The following RSRP1 variants were observed in gnomAD, a reference collection of about 807,000 sequenced individuals.
RSRP1 encodes the protein arginine and serine rich protein 1, also known as arginine/serine-rich protein 1.
Under a neutral mutation model 33.0 loss-of-function variants are expected in RSRP1, and 37 were observed. The ratio of observed to expected loss-of-function variants is 1.12; its 90% CI spans 0.86 to 1.48. The LOEUF is 1.48. Ranked by LOEUF, RSRP1 falls within the 40% of genes most tolerant of loss-of-function variation. The probability of loss-of-function intolerance (pLI) is 0.00; values close to 1 mark genes in which losing one functional copy is unlikely to be tolerated. For missense variants in RSRP1, 402 were observed against 385.3 expected, an observed-to-expected ratio of 1.04 and a Z score of -0.36; for synonymous variants, 167 against 158.7, an observed-to-expected ratio of 1.05 and a Z score of -0.40.
At chr1:25,299,085 A>C (rs1301980639) in intron 1 of RSRP1, among the ~76,000 whole-genome samples, 2 of 126,544 alleles carry the variant, frequency 1.6e-5, no homozygotes, top group Admixed American at 7.7e-5. Flanking sequence ...AAAAAAAAAA[A>C]AAAAAAAAAA....
chr1:25,243,922 G>A, intron 3 of RSRP1: 1 of 1,181,036 alleles, frequency 8.5e-7, no homozygotes, highest in Non-Finnish European at 1.1e-6. Context: ...GAAATGTAAA[G>A]CCACATCAGA....
chr1:25,271,134 T>C lies in RSRP1; in HGVS notation c.-66-24105A>G, dbSNP rs1242243311. ...GTTTTCTTAACCAACCCCCTGCTAG[T>C]GGACATTTAGGTTAGTCTCAGTTTT... On this transcript the variant is annotated intron_variant, in intron 1 of 1. Coordinates refer to the RSRP1 transcript ENST00000561867. 2.4e-4 allele frequency among the ~76,000 whole-genome samples: 32 copies of C among 132,614 alleles called. 2 individuals carry two copies. Among genetic ancestry groups the C allele is most frequent in the African/African-American group, 5.4e-4 (21 of 38,816 alleles). The allele number at this position is 132,614 out of a possible 152,430, so 87.0% of individuals were successfully genotyped here. A position where few individuals can be genotyped will look rare whatever the true frequency, so the allele number is the denominator to read the frequency against.
chr1:25,254,255 T>C (rs1377952104), intron 1 of RSRP1, among the ~76,000 whole-genome samples: 3 of 152,162 alleles, frequency 2.0e-5, no homozygotes, highest in Non-Finnish European at 4.4e-5. Flanking sequence ...CCTGGGTTGA[T>C]AGCTGTAGTG....
upstream of RSRP1, among the ~76,000 whole-genome samples, chr1:25,252,088 G>A (rs916905970): frequency 1.3e-5 from 2 of 151,908 alleles, no homozygotes; most frequent in Non-Finnish European, 2.9e-5. Flanking sequence ...TTGTGAGACA[G>A]AGTCTCACTC....
rs1164357258 is a variant in RSRP1 at position 25,281,415 on chromosome 1, A to G, written c.-66-34386T>C. On this transcript the variant is annotated intron_variant, in intron 1 of 1. Transcript: ENST00000561867. ...AATTGCTCTACTCATGGAATCTTCA[A>G]TAAGTCTGGGCCCTATGCATATAGC... Among the ~76,000 whole-genome samples the G allele has an allele frequency of 1.9e-4, 25 of 132,062 alleles. 5 individuals are homozygous for G. Among genetic ancestry groups the G allele is most frequent in the African/African-American group, 6.0e-4 (23 of 38,346 alleles). The allele number at this position is 132,062 out of a possible 152,430, so 86.6% of individuals were successfully genotyped here.
chr1:25,259,686 A>C (rs997315477), intron 1 of RSRP1, among the ~76,000 whole-genome samples: 2 of 151,508 alleles, frequency 1.3e-5, no homozygotes, highest in African/African-American at 2.4e-5. Context: ...CATTTTTACT[A>C]GACAGGGTTT....
intron 1 of RSRP1, chr1:25,272,642 C>A (rs764093565): frequency 1.9e-6 from 3 of 1,571,020 alleles, no homozygotes; most frequent in Non-Finnish European, 8.7e-7. Context: ...TATTTTTTTA[C>A]CCACTATGAC....
At chr1:25,331,898 C>A (rs1645018836) in intron 1 of RSRP1, among the ~76,000 whole-genome samples, 1 of 128,966 alleles carries the variant, frequency 7.8e-6, no homozygotes, top group African/African-American at 2.6e-5. Flanking sequence ...CGCCACTACG[C>A]CCGGCTAACT....
chr1:25,246,757 G>A lies in RSRP1; in HGVS notation c.207C>T (p.Arg69=), dbSNP rs775724409. The part of the protein sequence containing the change: ...RSKSRSRSRR[R]HQRKYRRYSR... ...AGTAGCGCCTGTACTTCCGCTGGTGGCGCCTTCGGGAACGGGACCTGGACT... is the reference window on the plus strand; with the variant it reads ...AGTAGCGCCTGTACTTCCGCTGGTGACGCCTTCGGGAACGGGACCTGGACT... Residue 69 remains arginine (R), a synonymous_variant, in exon 2 of 5, where the codon CGC becomes CGT. Coordinates refer to ENST00000243189, the MANE Select transcript of RSRP1 (RefSeq NM_020317.5). 3.7e-6 allele frequency: 6 copies of A among 1,608,982 alleles called. 1 individual carries two copies. The South Asian group carries it at 6.6e-5, about 18-fold the overall frequency.
chr1:25,322,481 T>TG lies in RSRP1; in HGVS notation c.-67+15496dup, dbSNP rs1346504433. Among the ~76,000 whole-genome samples the TG allele has an allele frequency of 1.5e-5, 2 of 132,634 alleles. 1 individual carries two copies. The highest frequency in any genetic ancestry group is 3.6e-5 in the Non-Finnish European group (2 of 55,914). 87.0% of individuals were successfully genotyped at this position (132,634 alleles called of 152,430 possible). A position where few individuals can be genotyped will look rare whatever the true frequency, so the allele number is the denominator to read the frequency against. On this transcript the variant is annotated intron_variant, in intron 1 of 1. Coordinates refer to the RSRP1 transcript ENST00000561867. ...TGAGGCCAGGAGTTCGAGACCAGCC[T>TG]GGCCAACGTGTCGAAACCCCATCTC...
chr1:25,247,767 AG>A (rs1219418170), upstream of RSRP1: 1 of 152,380 alleles, frequency 6.6e-6, no homozygotes, highest in Non-Finnish European at 1.5e-5. Context: ...GGGCTACACC[AG>A]GCTCTGGCCT....
At chr1:25,242,828 G>A (rs1638965608) in intron 4 of RSRP1, 123 bp from the exon 5 acceptor site, 1 of 685,308 alleles carries the variant, frequency 1.5e-6, no homozygotes, top group Non-Finnish European at 2.5e-6. Context: ...TGGGCGCGGT[G>A]GCTCACGCCT....
At position 25,246,434 on chromosome 1, in the gene RSRP1, A is replaced by G. The variant is rs376895110; in HGVS notation, c.520+10T>C. On this transcript the variant is annotated intron_variant, in intron 2 of 4. Transcript: ENST00000243189. The stretch of plus-strand genomic sequence containing the variant: ...ATTACCACAAATGGAAAGGTAAATG[A>G]CCCACCCACCTTTTTCACTTAAGCG... 63 of 1,611,130 alleles carry G rather than the reference A, an allele frequency of 3.9e-5. No homozygotes were observed. Among genetic ancestry groups the G allele is most frequent in the African/African-American group, 1.3e-5 (1 of 74,868 alleles).
In RSRP1 at chr1:25,244,339, G is replaced by A. The variant is rs11547; in HGVS notation, c.673-706C>T. ...GACTTTAATACTTTATGCAAATAGTGCCTGTCCCAAATTCTAGCATGCACA... is the reference window on the plus strand; with the variant it reads ...GACTTTAATACTTTATGCAAATAGTACCTGTCCCAAATTCTAGCATGCACA... On this transcript the variant is annotated intron_variant, in intron 3 of 4. Transcript: ENST00000243189. 0.01 allele frequency: 13,407 copies of A among 1,288,208 alleles called. 1,045 individuals carry two copies. The African/African-American group carries it at 0.17, about 17-fold the overall frequency. The allele number at this position is 1,288,208 out of a possible 1,614,324, so 79.8% of individuals were successfully genotyped here. A position where few individuals can be genotyped will look rare whatever the true frequency, so the allele number is the denominator to read the frequency against.
chr1:25,258,551 G>A (rs1640020134), intron 1 of RSRP1, among the ~76,000 whole-genome samples: 1 of 152,120 alleles, frequency 6.6e-6, no homozygotes, highest in Non-Finnish European at 1.5e-5. Flanking sequence ...ACTGGCTCCT[G>A]CTGTCCTCCT....
Position 25,318,922 on chromosome 1 carries a change from G to A in RSRP1, c.-67+19056C>T, listed in dbSNP as rs1479526591. On this transcript the variant is annotated intron_variant, in intron 1 of 1. Transcript: ENST00000561867. ...GGCTAGAATTGCTTTAATATACCATGTCTGGCCTTAGCTTTTTGCAGAGTC... is the reference window on the plus strand; with the variant it reads ...GGCTAGAATTGCTTTAATATACCATATCTGGCCTTAGCTTTTTGCAGAGTC... 3.8e-5 allele frequency among the ~76,000 whole-genome samples: 5 copies of A among 133,004 alleles called. 1 individual carries two copies. Among genetic ancestry groups the A allele is most frequent in the Non-Finnish European group, 7.1e-5 (4 of 56,078 alleles). 87.3% of individuals were successfully genotyped at this position (133,004 alleles called of 152,430 possible). A position where few individuals can be genotyped will look rare whatever the true frequency, so the allele number is the denominator to read the frequency against.
chr1:25,310,973 C>CA (rs1158185993), intron 1 of RSRP1, among the ~76,000 whole-genome samples: 1,675 of 74,516 alleles, frequency 0.022, 276 homozygotes, highest in Non-Finnish European at 0.034. Flanking sequence ...AACTCCATCT[C>CA]AAAAAAAAAA....
chr1:25,244,535 A>G (rs1386648134), intron 3 of RSRP1: 6 of 1,289,206 alleles, frequency 4.7e-6, no homozygotes, highest in Non-Finnish European at 6.1e-6. Context: ...ACTATACTGT[A>G]TATGCTGAGT....
chr1:25,303,588 C>G lies in RSRP1; in HGVS notation c.-67+34390G>C, dbSNP rs114670556. The G allele has an allele frequency of 2.1e-4, 209 of 997,056 alleles. 28 individuals carry two copies. The African/African-American group carries it at 2.7e-3, about 13-fold the overall frequency. The allele number at this position is 997,056 out of a possible 1,614,324, so 61.8% of individuals were successfully genotyped here. A position where few individuals can be genotyped will look rare whatever the true frequency, so the allele number is the denominator to read the frequency against. On this transcript the variant is annotated intron_variant, in intron 1 of 1. Transcript: ENST00000561867. Reference sequence around the variant, plus strand: ...CGGCGCATTCTCTTATTGGCTTCAACGCCTAGTGAGGGATCCATCCTGGCT... The same window carrying G: ...CGGCGCATTCTCTTATTGGCTTCAAGGCCTAGTGAGGGATCCATCCTGGCT...
Sources: gnomAD v4.1 joint callset for allele counts (sites outside exome capture counted in the v4.1 genomes callset) on GRCh38, gnomAD v4.1.1 for gene constraint, MANE v1.5 for transcripts, NCBI Gene and HGNC (gene_info 2026-07-23, HGNC 2026-07-21) for gene names.